WDR73: variants seen among roughly 807,000 people sequenced by gnomAD.
The protein encoded by WDR73 is integrator complex assembly factor WDR73.
A neutral mutation model predicts 38.2 loss-of-function variants in WDR73; 30 were observed. The ratio of observed to expected loss-of-function variants is 0.79; its 90% CI spans 0.59 to 1.06. WDR73 has a LOEUF of 1.06. WDR73 is among the 50% of genes least tolerant of loss of function. The pLI is 0.00. For missense variants in WDR73, 487 were observed against 467.0 expected (o/e 1.04, Z -0.40); for synonymous variants, 197 against 176.0 (o/e 1.12, Z -0.94).
intron 1 of WDR73, 46 bp downstream of exon 1, chr15:84,654,188 G>T (rs1250322761): frequency 1.1e-5 from 18 of 1,613,218 alleles, no homozygotes; most frequent in Non-Finnish European, 1.5e-5. Context: ...CGCCCGCCAG[G>T]CAAGCTCCAG....
At position 84,643,591 on chromosome 15, in the gene WDR73, T is replaced by C. The variant is rs1048686548; in HGVS notation, c.1016A>G (p.Asp339Gly). Residue 339 changes from aspartate to glycine, a missense_variant, in exon 8 of 8, where the codon GAC becomes GGC. Physicochemically the swap from Asp to Gly is moderately conservative, Grantham distance 94. Coordinates refer to ENST00000434634, the MANE Select transcript of WDR73 (RefSeq NM_032856.5). ...GHIFLDGNGM[D>G]PAPLVTTHTW... ...GTGGGTGGTGACCAAAGGAGCAGGG[T>C]CCATCCCATTTCCATCTAGGAAGAT... 2 of 1,612,630 alleles carry C rather than the reference T, an allele frequency of 1.2e-6. No individual in the cohort carries two copies. The highest frequency in any genetic ancestry group is 1.7e-6 in the Non-Finnish European group (2 of 1,179,364).
chr15:84,645,966 A>C (rs1172167066), intron 6 of WDR73, 130 bp from the exon 7 acceptor site: 5 of 1,549,124 alleles, frequency 3.2e-6, no homozygotes, highest in Non-Finnish European at 4.3e-6. Flanking sequence ...CTTCCCACTC[A>C]TCTCACCATT....
Position 84,641,201 on chromosome 15 carries a change from T to C in WDR73, c.*2269A>G, listed in dbSNP as rs1896246764. 6.6e-6 allele frequency: 1 copy of C among 150,728 alleles called. No homozygotes were observed. Among genetic ancestry groups the C allele is most frequent in the Non-Finnish European group, 1.5e-5 (1 of 68,040 alleles). 9.3% of individuals were successfully genotyped at this position (150,728 alleles called of 1,614,324 possible). A position where few individuals can be genotyped will look rare whatever the true frequency, so the allele number is the denominator to read the frequency against. On this transcript the variant is annotated 3_prime_UTR_variant, in exon 8 of 8. Transcript: ENST00000434634. ...ATGGGGTCACAATGCTGCAGAAAAG[T>C]GAAGAGCTTTGGAATGAAGATCTCC...
In WDR73 at chr15:84,648,534, T is replaced by C; in HGVS notation, c.287+3A>G. On this transcript the variant is annotated splice_donor_region_variant and intron_variant, in intron 4 of 7. Transcript: ENST00000434634. The stretch of plus-strand genomic sequence containing the variant: ...GATGGCTGGATCACAAAATTGACCA[T>C]ACCTGGTATGTGGCACATGCTTTAG... The C allele has an allele frequency of 1.2e-6, 2 of 1,611,248 alleles. No individual in the cohort carries two copies. The highest frequency in any genetic ancestry group is 1.1e-5 in the South Asian group (1 of 91,036).
rs941770383 is a variant in WDR73, at chr15:84,640,181, C to T, written c.*3289G>A. 2 of 152,190 alleles carry T rather than the reference C, an allele frequency of 1.3e-5. No individual in the cohort carries two copies. The highest frequency in any genetic ancestry group is 2.9e-5 in the Non-Finnish European group (2 of 68,056). The allele number at this position is 152,190 out of a possible 1,614,324, so 9.4% of individuals were successfully genotyped here. A position where few individuals can be genotyped will look rare whatever the true frequency, so the allele number is the denominator to read the frequency against. On this transcript the variant is annotated 3_prime_UTR_variant, in exon 8 of 8. Transcript: ENST00000434634. ...TGGAATCCCAGTGGCAACTCTCCCC[C>T]ACAATGGACCTCAGAGCAGTGGGAG...
At chr15:84,649,621 C>T (rs967505386) in intron 3 of WDR73, among the ~76,000 whole-genome samples, 1 of 152,020 alleles carries the variant, frequency 6.6e-6, no homozygotes, top group Non-Finnish European at 1.5e-5. Flanking sequence ...AGGTGTGCAC[C>T]ACCACACCCA....
chr15:84,651,332 G>A (rs1251573279), intron 3 of WDR73, among the ~76,000 whole-genome samples: 2 of 150,878 alleles, frequency 1.3e-5, no homozygotes, highest in Admixed American at 6.6e-5. Context: ...AGGCTGAGGC[G>A]GGAGGATCAC....
At chr15:84,653,776 G>A in intron 1 of WDR73, 77 bp from the exon 2 acceptor site, 3 of 1,179,186 alleles carry the variant, frequency 2.5e-6, no homozygotes, top group East Asian at 5.1e-5. Context: ...CAGCCGCATG[G>A]TTCAGTGGCC....
intron 3 of WDR73, 67 bp from the exon 4 acceptor site, chr15:84,648,692 T>A: frequency 7.7e-7 from 1 of 1,296,310 alleles, no homozygotes; most frequent in Non-Finnish European, 1.1e-6. Context: ...GAACTCTAAG[T>A]GAGGAGTCAG....
At position 84,648,595 on chromosome 15, in the gene WDR73, G is replaced by A. The variant is rs150818024; in HGVS notation, c.229C>T (p.Arg77Cys). ...GLFPERDFKVRHGGFSDRSIF... is the reference protein window; with the variant it reads ...GLFPERDFKVCHGGFSDRSIF... ...GACCTGTCTGAAAATCCTCCATGGC[G>A]CACTTTGAAATCTCTTTCTGGGAAT... Residue 77 changes from arginine to cysteine, a missense_variant, in exon 4 of 8, where the codon CGC (arginine) becomes TGC (cysteine). Arg to Cys is a radical substitution (Grantham distance 180, BLOSUM62 -3). Transcript: ENST00000434634. 563 of 1,613,810 alleles carry A rather than the reference G, an allele frequency of 3.5e-4. 8 individuals are homozygous for A. In the East Asian group the frequency reaches 0.01, roughly 30 times the overall value.
intron 2 of WDR73, chr15:84,653,250 C>T (rs911610524): frequency 5.6e-5 from 13 of 230,520 alleles, no homozygotes; most frequent in African/African-American, 2.7e-4. Flanking sequence ...TCACTGCAAC[C>T]TCCACCTCCT....
chr15:84,650,249 T>C (rs1896581260), intron 3 of WDR73, among the ~76,000 whole-genome samples: 1 of 152,206 alleles, frequency 6.6e-6, no homozygotes, highest in African/African-American at 2.4e-5. Flanking sequence ...AGTGGTGCCA[T>C]CTCAGGTCAC....
chr15:84,640,735 A>C lies in WDR73; in HGVS notation c.*2735T>G, dbSNP rs1207925624. 3 of 152,170 alleles carry C rather than the reference A, an allele frequency of 2.0e-5. No homozygotes were observed. Among genetic ancestry groups the C allele is most frequent in the Non-Finnish European group, 4.4e-5 (3 of 68,028 alleles). 9.4% of individuals were successfully genotyped at this position (152,170 alleles called of 1,614,324 possible). A position where few individuals can be genotyped will look rare whatever the true frequency, so the allele number is the denominator to read the frequency against. ...AATATTATTAAAAGAATTTAAAATA[A>C]AGTGTTCCATAGATGTGAACCCTGC... On this transcript the variant is annotated 3_prime_UTR_variant, in exon 8 of 8. Transcript: ENST00000434634.
intron 7 of WDR73, 116 bp from the exon 8 acceptor site, chr15:84,643,839 A>G: frequency 8.0e-7 from 1 of 1,243,448 alleles, no homozygotes; most frequent in East Asian, 2.6e-5. Flanking sequence ...ATGGTCTTGA[A>G]CTCCTAGCCT....
Position 84,648,010 on chromosome 15 carries a change from C to T in WDR73, c.288-56G>A, listed in dbSNP as rs116581472. 8.5e-4 allele frequency: 1,288 copies of T among 1,510,374 alleles called. 13 individuals are homozygous for T. In the African/African-American group the frequency reaches 0.016, roughly 18 times the overall value. The allele number at this position is 1,510,374 out of a possible 1,614,324, so 93.6% of individuals were successfully genotyped here. On this transcript the variant is annotated intron_variant, in intron 4 of 7. Transcript: ENST00000434634. ...CATGGGGAGCTTATCCACACAGGTC[C>T]CTTCCCCTTTCCAGCACACTTAGCT...
rs1896300165 is a variant in WDR73 at position 84,642,698 on chromosome 15, C to T, written c.*772G>A. On this transcript the variant is annotated 3_prime_UTR_variant, in exon 8 of 8. Coordinates refer to ENST00000434634, the MANE Select transcript of WDR73 (RefSeq NM_032856.5). The stretch of plus-strand genomic sequence containing the variant: ...CAGGCTAGTCTCGAACTCCTGGACT[C>T]AAGTGATCCACCTGTCTTGGCTGCC... 1 of 152,148 alleles carries T rather than the reference C, an allele frequency of 6.6e-6. No individual in the cohort carries two copies. The highest frequency in any genetic ancestry group is 6.6e-5 in the Admixed American group (1 of 15,258). 9.4% of individuals were successfully genotyped at this position (152,148 alleles called of 1,614,324 possible).
chr15:84,643,364 C>T lies in WDR73; in HGVS notation c.*106G>A. The T allele has an allele frequency of 7.1e-7, 1 of 1,409,426 alleles. No individual in the cohort carries two copies. The highest frequency in any genetic ancestry group is 2.6e-4 in the Middle Eastern group (1 of 3,870). 87.3% of individuals were successfully genotyped at this position (1,409,426 alleles called of 1,614,324 possible). A position where few individuals can be genotyped will look rare whatever the true frequency, so the allele number is the denominator to read the frequency against. On this transcript the variant is annotated 3_prime_UTR_variant, in exon 8 of 8. Coordinates refer to ENST00000434634, the MANE Select transcript of WDR73 (RefSeq NM_032856.5). The stretch of plus-strand genomic sequence containing the variant: ...ACGCTGGCAGACTTGCCCAAGGCCA[C>T]ACAGCTGGTAACAGGGACTGGTAGT...
chr15:84,654,257 G>C lies in WDR73; in HGVS notation c.18C>G (p.Asp6Glu), dbSNP rs1299469551. Reference sequence around the variant, plus strand: ...ACAAGCGCAAGGATTCCACCAGCCAGTCGTCCCCAGGATCCATGGCAACGA... The same window carrying C: ...ACAAGCGCAAGGATTCCACCAGCCACTCGTCCCCAGGATCCATGGCAACGA... MDPGD[D>E]WLVESLRLYQ... The change falls in exon 1 of 8, where the codon GAC becomes GAG. Residue 6 changes from aspartate to glutamate, a missense_variant. Transcript: ENST00000434634. The C allele has an allele frequency of 5.6e-6, 9 of 1,613,838 alleles. No homozygotes were observed. The highest frequency in any genetic ancestry group is 4.2e-6 in the Non-Finnish European group (5 of 1,179,836).
chr15:84,653,742 A>C, intron 1 of WDR73, 43 bp from the exon 2 acceptor site: 4 of 1,493,238 alleles, frequency 2.7e-6, no homozygotes, highest in Non-Finnish European at 3.7e-6. Context: ...ACAGCACTTC[A>C]CAGCTCAAAG....
Sources: allele counts gnomAD v4.1 joint callset (sites outside exome capture counted in the v4.1 genomes callset), GRCh38; gene constraint gnomAD v4.1.1; transcripts MANE v1.5; gene names NCBI Gene and HGNC (gene_info 2026-07-23, HGNC 2026-07-21).